The following COL22A1 variants were observed in gnomAD, a reference collection of about 807,000 sequenced individuals.
COL22A1 encodes collagen alpha-1(XXII) chain.
A neutral mutation model predicts 248.9 loss-of-function variants in COL22A1; 221 were observed. The ratio of observed to expected loss-of-function variants is 0.89; its 90% confidence interval spans 0.80 to 0.99. The LOEUF is 0.99. Ranked by LOEUF, COL22A1 falls within the 50% of genes least tolerant of loss-of-function variation. The pLI is 0.00. For missense variants in COL22A1, 2,240 were observed against 2,179.0 expected (o/e 1.03, Z -0.56); for synonymous variants, 891 against 793.4 (o/e 1.12, Z -2.07).
chr8:138,607,790 C>T (rs1818541176), intron 57 of COL22A1, 146 bp downstream of exon 57: 2 of 675,140 alleles, frequency 3.0e-6, no homozygotes, highest in Non-Finnish European at 4.9e-6. Flanking sequence ...TATGGAGCCT[C>T]TTACCTCCAA....
intron 31 of COL22A1, among the ~76,000 whole-genome samples, chr8:138,700,859 C>T (rs919998350): frequency 5.3e-5 from 8 of 152,054 alleles, no homozygotes; most frequent in African/African-American, 1.7e-4. Flanking sequence ...ATGCCGGGTG[C>T]CTGTAGTCCC....
At chr8:138,647,102 C>A (rs1822269201) in intron 46 of COL22A1, among the ~76,000 whole-genome samples, 1 of 152,206 alleles carries the variant, frequency 6.6e-6, no homozygotes, top group Non-Finnish European at 1.5e-5. Context: ...CGCCCCCCAC[C>A]TTGCACTTTT....
intron 3 of COL22A1, among the ~76,000 whole-genome samples, chr8:138,860,749 A>C (rs1260655747): frequency 6.6e-6 from 1 of 152,154 alleles, no homozygotes; most frequent in Non-Finnish European, 1.5e-5. Flanking sequence ...TCAAAGCTGC[A>C]GTAAGCTATG....
chr8:138,640,497 A>G (rs1300764642), intron 47 of COL22A1, among the ~76,000 whole-genome samples: 3 of 152,122 alleles, frequency 2.0e-5, no homozygotes, highest in Non-Finnish European at 4.4e-5. Flanking sequence ...AATAGCTGGT[A>G]AATTCCTAAC....
chr8:138,672,004 G>A (rs1378743027), intron 41 of COL22A1, among the ~76,000 whole-genome samples: 5 of 152,136 alleles, frequency 3.3e-5, no homozygotes, highest in African/African-American at 7.2e-5. Context: ...TAAATACTGG[G>A]ATAGTCAAAA....
intron 50 of COL22A1, among the ~76,000 whole-genome samples, chr8:138,630,086 A>G (rs1271377515): frequency 1.3e-5 from 2 of 152,210 alleles, no homozygotes; most frequent in Non-Finnish European, 2.9e-5. Context: ...GGCTACTAAC[A>G]TAATACCTAC....
chr8:138,789,418 A>G (rs1239527742), intron 12 of COL22A1, among the ~76,000 whole-genome samples: 1 of 152,254 alleles, frequency 6.6e-6, no homozygotes, highest in East Asian at 1.9e-4. Context: ...ATTAATGCAC[A>G]GGCTAAGAAT....
rs1831213520 is a variant in COL22A1, at chr8:138,737,493, T to A, written c.2139+31A>T. The A allele has an allele frequency of 2.6e-6, 4 of 1,520,432 alleles. No homozygotes were observed. The East Asian group carries it at 9.0e-5, about 34-fold the overall frequency. The allele number at this position is 1,520,432 out of a possible 1,614,324, so 94.2% of individuals were successfully genotyped here. On this transcript the variant is annotated intron_variant, in intron 23 of 64. Coordinates refer to ENST00000303045, the MANE Select transcript of COL22A1 (RefSeq NM_152888.3). ...TTATTTAATCAGAGAAAAGCAGCGT[T>A]GCTATGGAAGAGAATGTAAAAGGTA...
Position 138,722,336 on chromosome 8 carries a change from C to T in COL22A1, c.2248-247G>A, listed in dbSNP as rs1042470597. 1.9e-5 allele frequency: 10 copies of T among 530,128 alleles called. No homozygotes were observed. In the African/African-American group the frequency reaches 2.0e-4, roughly 10 times the overall value. 32.8% of individuals were successfully genotyped at this position (530,128 alleles called of 1,614,324 possible). On this transcript the variant is annotated intron_variant, in intron 25 of 64. Coordinates refer to ENST00000303045, the MANE Select transcript of COL22A1 (RefSeq NM_152888.3). Reference sequence around the variant, plus strand: ...TCTGATTTTCAGTACACTGGCCATGCATGGAGGGTGGGGGCGTGGGAGGAC... The same window carrying T: ...TCTGATTTTCAGTACACTGGCCATGTATGGAGGGTGGGGGCGTGGGAGGAC...
intron 16 of COL22A1, among the ~76,000 whole-genome samples, chr8:138,768,893 T>C (rs1311801198): frequency 6.6e-6 from 1 of 151,782 alleles, no homozygotes; most frequent in African/African-American, 2.4e-5. Flanking sequence ...GCCGAGATAG[T>C]GCCATTGCAC....
intron 47 of COL22A1, among the ~76,000 whole-genome samples, chr8:138,638,332 C>T (rs944663160): frequency 6.6e-6 from 1 of 152,126 alleles, no homozygotes; most frequent in Non-Finnish European, 1.5e-5. Context: ...CTATGCCTGT[C>T]ATCCCTTAAC....
At chr8:138,813,648 T>G in intron 7 of COL22A1, among the ~76,000 whole-genome samples, 1 of 47,868 alleles carries the variant, frequency 2.1e-5, no homozygotes, top group East Asian at 4.8e-4. Flanking sequence ...AGCGTTTCGT[T>G]CTACACTGAA....
rs116109409 is a variant in COL22A1 at position 138,664,856 on chromosome 8, A to G, written c.3151-1116T>C. ...CCTTCTTTTCACTGACAATCAAACT[A>G]AGGTCCAGAGGAGAGAGAGAGAGAC... On this transcript the variant is annotated intron_variant, in intron 41 of 64. Transcript: ENST00000303045. Among the ~76,000 whole-genome samples, 635 of 152,290 alleles carry G rather than the reference A, an allele frequency of 4.2e-3. 3 individuals are homozygous for G. The highest frequency in any genetic ancestry group is 0.013 in the African/African-American group (560 of 41,570).
intron 32 of COL22A1, among the ~76,000 whole-genome samples, 192 bp downstream of exon 32, chr8:138,699,920 C>T (rs34505054): frequency 0.31 from 46,894 of 152,188 alleles, 7,384 homozygotes; most frequent in Non-Finnish European, 0.34. Flanking sequence ...CCTGCCTGAC[C>T]CTGGAGCCAG....
intron 3 of COL22A1, among the ~76,000 whole-genome samples, chr8:138,861,425 C>G (rs1822445520): frequency 6.6e-6 from 1 of 152,166 alleles, no homozygotes. Flanking sequence ...CACCAGTTAT[C>G]CACCCCCTCC....
Position 138,737,571 on chromosome 8 carries a change from T to G in COL22A1, c.2092A>C (p.Lys698Gln). The part of the protein sequence containing the change: ...PPGLQGLRGK[K>Q]GDMGPPGIPG... ...ATTCCAGGTGGTCCCATGTCACCTT[T>G]CTTCCCCTGAGTGTAAAAGAAGAAG... The change falls in exon 23 of 65, where the codon AAA becomes CAA. Residue 698 changes from lysine to glutamine, a missense_variant. Physicochemically the swap from Lys to Gln is moderately conservative, Grantham distance 53 (BLOSUM62 1). Coordinates refer to ENST00000303045, the MANE Select transcript of COL22A1 (RefSeq NM_152888.3). 1 of 1,609,904 alleles carries G rather than the reference T, an allele frequency of 6.2e-7. No individual in the cohort carries two copies. The highest frequency in any genetic ancestry group is 8.5e-7 in the Non-Finnish European group (1 of 1,176,430).
At chr8:138,830,521 T>C (rs1020188895) in intron 5 of COL22A1, among the ~76,000 whole-genome samples, 5 of 152,178 alleles carry the variant, frequency 3.3e-5, no homozygotes, top group African/African-American at 1.2e-4. Flanking sequence ...TTTTGGGTGC[T>C]TTGCCATTAA....
chr8:138,913,031 G>A (rs1043830504), intron 1 of COL22A1, among the ~76,000 whole-genome samples: 6 of 152,008 alleles, frequency 3.9e-5, no homozygotes, highest in Admixed American at 2.0e-4. Context: ...AGGGATTGGG[G>A]GAAGGACAAA....
intron 16 of COL22A1, among the ~76,000 whole-genome samples, chr8:138,769,523 C>T (rs1393360760): frequency 6.6e-6 from 1 of 152,098 alleles, no homozygotes; most frequent in African/African-American, 2.4e-5. Context: ...GGACTTCCAC[C>T]CAAAGGGCTG....
Sources: allele counts gnomAD v4.1 joint callset (sites outside exome capture counted in the v4.1 genomes callset), GRCh38; gene constraint gnomAD v4.1.1; transcripts MANE v1.5; gene names NCBI Gene and HGNC (gene_info 2026-07-23, HGNC 2026-07-21).